The following SPIDR variants were observed in gnomAD, a reference collection of about 807,000 sequenced individuals.
SPIDR encodes DNA repair-scaffolding protein.
A neutral mutation model predicts 104.6 loss-of-function variants in SPIDR; 93 were observed. The observed-to-expected ratio is 0.89, with a 90% confidence interval of 0.75 to 1.06. The LOEUF (loss-of-function observed/expected upper bound fraction) is 1.06. Among genes scored for constraint, SPIDR ranks in the 50% least tolerant of loss-of-function variants. The pLI, the probability that SPIDR is intolerant of heterozygous loss-of-function variation, is 0.00. For synonymous variants in SPIDR, 431 were observed against 416.9 expected (o/e 1.03, Z -0.41); for missense variants, 1,154 against 1,111.2 (o/e 1.04, Z -0.55).
At chr8:47,419,561 A>G (rs1554678243) in intron 7 of SPIDR, among the ~76,000 whole-genome samples, 3 of 152,076 alleles carry the variant, frequency 2.0e-5, no homozygotes, top group African/African-American at 7.2e-5. Flanking sequence ...GATCTTTTCA[A>G]AAAACCAGCT....
At chr8:47,582,908 A>G (rs2059874029) in intron 8 of SPIDR, among the ~76,000 whole-genome samples, 1 of 151,610 alleles carries the variant, frequency 6.6e-6, no homozygotes, top group Non-Finnish European at 1.5e-5. Context: ...ACACACACAC[A>G]CGTATATTTT....
intron 5 of SPIDR, among the ~76,000 whole-genome samples, chr8:47,304,117 G>T (rs963576141): frequency 1.5e-4 from 23 of 152,252 alleles, no homozygotes; most frequent in African/African-American, 5.5e-4. Context: ...CATTTGCTAT[G>T]GTTTGAATGT....
At chr8:47,498,440 A>C (rs1162348657) in intron 8 of SPIDR, among the ~76,000 whole-genome samples, 1 of 152,214 alleles carries the variant, frequency 6.6e-6, no homozygotes, top group East Asian at 1.9e-4. Context: ...CATTATTGAA[A>C]AATAGCTTTT....
At chr8:47,659,699 C>G in intron 10 of SPIDR, 2 of 985,192 alleles carry the variant, frequency 2.0e-6, no homozygotes, top group Non-Finnish European at 2.4e-6. Flanking sequence ...AGGTTCCAGC[C>G]CTCTTCTGTC....
intron 10 of SPIDR, among the ~76,000 whole-genome samples, chr8:47,619,822 T>C (rs573150626): frequency 9.2e-5 from 14 of 152,186 alleles, no homozygotes; most frequent in Non-Finnish European, 1.5e-4. Context: ...AGAGCAACTC[T>C]ATTAATATTA....
intron 8 of SPIDR, among the ~76,000 whole-genome samples, chr8:47,508,551 C>T (rs1262668576): frequency 6.6e-6 from 1 of 152,198 alleles, no homozygotes; most frequent in African/African-American, 2.4e-5. Context: ...TGCAGTTCCT[C>T]TAAAAGATGC....
At chr8:47,335,748 C>CCT (rs533440625) in intron 5 of SPIDR, among the ~76,000 whole-genome samples, 2 of 152,182 alleles carry the variant, frequency 1.3e-5, no homozygotes, top group Non-Finnish European at 2.9e-5. Context: ...CATGCCCAGG[C>CCT]CTCTCACAAC....
At chr8:47,407,208 G>A (rs892361376) in intron 6 of SPIDR, among the ~76,000 whole-genome samples, 15 of 152,132 alleles carry the variant, frequency 9.9e-5, no homozygotes, top group East Asian at 1.9e-4. Flanking sequence ...CATGTCTGTC[G>A]TTATAAATTG....
chr8:47,583,374 A>G (rs1015016776), intron 8 of SPIDR, among the ~76,000 whole-genome samples: 7 of 151,746 alleles, frequency 4.6e-5, no homozygotes, highest in Middle Eastern at 3.4e-3. Context: ...AGTGTTGGGT[A>G]TATGTGTGAC....
At chr8:47,448,569 T>C (rs1185409759) in intron 8 of SPIDR, among the ~76,000 whole-genome samples, 17 of 152,218 alleles carry the variant, frequency 1.1e-4, no homozygotes, top group Admixed American at 3.9e-4. Context: ...GTAATAGATA[T>C]CTGTACAGAG....
chr8:47,580,313 G>T (rs1377117669), intron 8 of SPIDR, among the ~76,000 whole-genome samples: 2 of 152,166 alleles, frequency 1.3e-5, no homozygotes, highest in East Asian at 1.9e-4. Context: ...ATTGCTGAAG[G>T]TATAATTCAC....
At chr8:47,452,680 C>G (rs1372939995) in intron 8 of SPIDR, among the ~76,000 whole-genome samples, 9 of 152,288 alleles carry the variant, frequency 5.9e-5, no homozygotes, top group Middle Eastern at 3.4e-3. Flanking sequence ...GCTAAAAACT[C>G]TCAATAAATT....
At chr8:47,335,378 C>G (rs2049494983) in intron 5 of SPIDR, among the ~76,000 whole-genome samples, 1 of 152,162 alleles carries the variant, frequency 6.6e-6, no homozygotes, top group Non-Finnish European at 1.5e-5. Context: ...ATTTTACTCA[C>G]TACAGAATTC....
At chr8:47,509,916 A>G (rs2082053623) in intron 8 of SPIDR, among the ~76,000 whole-genome samples, 1 of 152,014 alleles carries the variant, frequency 6.6e-6, no homozygotes, top group Non-Finnish European at 1.5e-5. Context: ...TACCACACAC[A>G]TGCACACACA....
At chr8:47,483,127 G>C (rs1282919574) in intron 8 of SPIDR, among the ~76,000 whole-genome samples, 2 of 146,338 alleles carry the variant, frequency 1.4e-5, no homozygotes, top group African/African-American at 4.9e-5. Flanking sequence ...ATAGCTACTT[G>C]GTTTTTTTTT....
In SPIDR at chr8:47,313,025, A is replaced by G. The variant is rs1265776633; in HGVS notation, c.525+18995A>G. ...CAAGACAGGGATGCCCTCTCTCACCACTCCTATTCAACATAGTGTTGGAAG... is the reference window on the plus strand; with the variant it reads ...CAAGACAGGGATGCCCTCTCTCACCGCTCCTATTCAACATAGTGTTGGAAG... On this transcript the variant is annotated intron_variant, in intron 5 of 19. Transcript: ENST00000297423. 8.5e-5 allele frequency among the ~76,000 whole-genome samples: 13 copies of G among 152,082 alleles called. No homozygotes were observed. In the East Asian group the frequency reaches 2.5e-3, roughly 29 times the overall value.
At chr8:47,354,497 G>A (rs2054152369) in intron 5 of SPIDR, among the ~76,000 whole-genome samples, 1 of 151,866 alleles carries the variant, frequency 6.6e-6, no homozygotes, top group Non-Finnish European at 1.5e-5. Flanking sequence ...TAAAAAATTT[G>A]ATTTCTGAGT....
intron 5 of SPIDR, among the ~76,000 whole-genome samples, chr8:47,321,562 A>G (rs559305547): frequency 6.6e-6 from 1 of 152,212 alleles, no homozygotes; most frequent in Non-Finnish European, 1.5e-5. Context: ...TCAAGCTACC[A>G]ATGACTTTCT....
chr8:47,505,612 G>A (rs1337630799), intron 8 of SPIDR, among the ~76,000 whole-genome samples: 7 of 152,252 alleles, frequency 4.6e-5, no homozygotes, highest in African/African-American at 7.2e-5. Context: ...GCCCTGCTTC[G>A]GCTCATGCTC....
Sources: gnomAD v4.1 joint callset for allele counts (sites outside exome capture counted in the v4.1 genomes callset) on GRCh38, gnomAD v4.1.1 for gene constraint, MANE v1.5 for transcripts, NCBI Gene and HGNC (gene_info 2026-07-23, HGNC 2026-07-21) for gene names.